Variants in TMEM266 observed in about 807,000 individuals in gnomAD.
TMEM266 encodes transmembrane protein 266, also known as Hv1 related protein 1.
Under a neutral mutation model 50.5 loss-of-function variants are expected in TMEM266, and 33 were observed. The observed-to-expected ratio is 0.65, with a 90% CI of 0.50 to 0.87. TMEM266 has a LOEUF of 0.87. TMEM266 is among the 40% of genes least tolerant of loss of function. The pLI, the probability that TMEM266 is intolerant of heterozygous loss-of-function variation, is 0.00. For synonymous variants in TMEM266, 310 were observed against 292.3 expected, an observed-to-expected ratio of 1.06 and a Z score of -0.62; for missense variants, 655 against 695.1, an observed-to-expected ratio of 0.94 and a Z score of 0.65.
At chr15:76,176,411 GC>G (rs1352414897) in intron 8 of TMEM266, 2 of 152,910 alleles carry the variant, frequency 1.3e-5, no homozygotes, top group East Asian at 3.8e-4. Flanking sequence ...GGATCCCGCA[GC>G]AAGGCTGAGA....
Position 76,204,179 on chromosome 15 carries a change from A to G in TMEM266, c.1460A>G (p.Gln487Arg). The stretch of plus-strand genomic sequence containing the variant: ...GAACACAGGGTAAGTCTGTTCAACC[A>G]GAAGAACCAGGAGGGCTTCACTGTC... The change falls in exon 11 of 11, where the codon CAG becomes CGG. Residue 487 changes from glutamine to arginine, a missense_variant. By Grantham distance (43) the Gln-to-Arg change is conservative. This residue lies in a region of TMEM266 where 455 missense variants were observed against 401.8 expected (regional missense o/e 1.13). Transcript: ENST00000388942. 6.2e-7 allele frequency: 1 copy of G among 1,613,818 alleles called. No individual in the cohort carries two copies. Among genetic ancestry groups the G allele is most frequent in the Non-Finnish European group, 8.5e-7 (1 of 1,179,998 alleles).
intron 9 of TMEM266, among the ~76,000 whole-genome samples, chr15:76,198,287 T>G (rs1596172894): frequency 6.6e-6 from 1 of 152,238 alleles, no homozygotes; most frequent in Non-Finnish European, 1.5e-5. Flanking sequence ...GTGCCCATTC[T>G]TTCCTGCCCC....
At chr15:76,088,849 T>A (rs2036809830) in intron 1 of TMEM266, among the ~76,000 whole-genome samples, 1 of 151,134 alleles carries the variant, frequency 6.6e-6, no homozygotes, top group South Asian at 2.1e-4. Context: ...ATCCCAGCAC[T>A]TTGGGAGGCC....
intron 3 of TMEM266, among the ~76,000 whole-genome samples, chr15:76,155,378 C>T (rs1400292995): frequency 6.6e-6 from 1 of 152,200 alleles, no homozygotes; most frequent in African/African-American, 2.4e-5. Context: ...AGGAGGGTGT[C>T]TAGTGCCCTG....
chr15:76,084,837 G>A (rs1205989940), intron 1 of TMEM266, among the ~76,000 whole-genome samples: 60 of 151,770 alleles, frequency 4.0e-4, no homozygotes, highest in Admixed American at 3.8e-3. Context: ...TCCTGACCTC[G>A]TGATCTGCCT....
rs559860196 is a variant in TMEM266 at position 76,167,869 on chromosome 15, C to T, written c.457-1947C>T. ...AGAAACCTCTGGGTCCAAATGTTAC[C>T]TTCATTCCTGATGGTTGTGTGGCTA... On this transcript the variant is annotated intron_variant, in intron 5 of 10. Transcript: ENST00000388942. Among the ~76,000 whole-genome samples the T allele has an allele frequency of 5.3e-5, 8 of 152,270 alleles. 1 individual carries two copies. Among genetic ancestry groups the T allele is most frequent in the African/African-American group, 1.9e-4 (8 of 41,564 alleles).
At chr15:76,096,662 G>C (rs1157741698) in intron 1 of TMEM266, among the ~76,000 whole-genome samples, 2 of 151,988 alleles carry the variant, frequency 1.3e-5, no homozygotes, top group Admixed American at 6.6e-5. Context: ...GAATATTCTG[G>C]TTAATTTTCT....
At chr15:76,072,006 G>T (rs937937993) in intron 1 of TMEM266, among the ~76,000 whole-genome samples, 7 of 152,076 alleles carry the variant, frequency 4.6e-5, no homozygotes, top group African/African-American at 1.7e-4. Flanking sequence ...TATCATCAAG[G>T]GGCAGGGAAG....
chr15:76,070,423 C>T (rs1389199885), intron 1 of TMEM266, among the ~76,000 whole-genome samples: 1 of 152,188 alleles, frequency 6.6e-6, no homozygotes, highest in African/African-American at 2.4e-5. Context: ...AACTGTTTTG[C>T]TTTCTGGCCT....
At chr15:76,082,120 T>G (rs950409730) in intron 1 of TMEM266, among the ~76,000 whole-genome samples, 2 of 152,210 alleles carry the variant, frequency 1.3e-5, no homozygotes, top group African/African-American at 4.8e-5. Flanking sequence ...TTAAAAACAC[T>G]CTTCCCACAA....
chr15:76,116,519 C>T (rs2142015605), intron 1 of TMEM266, among the ~76,000 whole-genome samples: 1 of 152,232 alleles, frequency 6.6e-6, no homozygotes, highest in East Asian at 1.9e-4. Flanking sequence ...TCCCTCTCCT[C>T]ACTAATGAAT....
intron 9 of TMEM266, among the ~76,000 whole-genome samples, chr15:76,197,032 C>G (rs1361281968): frequency 6.6e-6 from 1 of 152,224 alleles, no homozygotes; most frequent in African/African-American, 2.4e-5. Flanking sequence ...CCTTCGCGTC[C>G]CCCACGCTGC....
intron 1 of TMEM266, among the ~76,000 whole-genome samples, chr15:76,083,809 G>A (rs1322003312): frequency 6.6e-6 from 1 of 152,148 alleles, no homozygotes; most frequent in Admixed American, 6.5e-5. Flanking sequence ...GTGTCTGTCC[G>A]GTGGTGGGCC....
chr15:76,193,892 A>G (rs761289032), intron 9 of TMEM266, among the ~76,000 whole-genome samples: 2 of 152,214 alleles, frequency 1.3e-5, no homozygotes, highest in Non-Finnish European at 1.5e-5. Context: ...CGTGCTCTCC[A>G]AGTTCTTGAT....
chr15:76,170,901 A>G, intron 6 of TMEM266, 92 bp from the exon 7 acceptor site: 1 of 1,461,278 alleles, frequency 6.8e-7, no homozygotes, highest in Non-Finnish European at 9.1e-7. Context: ...GCTGCTGGAA[A>G]AGTTGGGCAG....
intron 1 of TMEM266, among the ~76,000 whole-genome samples, chr15:76,126,360 C>A (rs2037422656): frequency 7.6e-6 from 1 of 130,802 alleles, no homozygotes; most frequent in African/African-American, 3.2e-5. Context: ...TACACACACA[C>A]ACACACCCAC....
At chr15:76,116,233 C>G (rs573024860) in intron 1 of TMEM266, among the ~76,000 whole-genome samples, 1 of 151,616 alleles carries the variant, frequency 6.6e-6, no homozygotes, top group African/African-American at 2.4e-5. Flanking sequence ...CCGGGAGACA[C>G]ACACGAAGCT....
At position 76,204,459 on chromosome 15, in the gene TMEM266, G is replaced by A. The variant is rs1002534295; in HGVS notation, c.*144G>A. On this transcript the variant is annotated 3_prime_UTR_variant, in exon 11 of 11. Transcript: ENST00000388942. ...TGCTGCCTGCCTCCAGGGAGGCGAC[G>A]CCAGGCCAGGAGGCCACAAGCTTCA... 6.9e-6 allele frequency: 5 copies of A among 720,848 alleles called. No individual in the cohort carries two copies. The highest frequency in any genetic ancestry group is 3.0e-5 in the Admixed American group (1 of 33,146). 44.7% of individuals were successfully genotyped at this position (720,848 alleles called of 1,614,324 possible).
At chr15:76,167,671 A>G (rs2038118210) in intron 5 of TMEM266, among the ~76,000 whole-genome samples, 1 of 151,608 alleles carries the variant, frequency 6.6e-6, no homozygotes, top group Non-Finnish European at 1.5e-5. Context: ...CCGGCTAATG[A>G]TTGTAGTTTT....
Sources: allele counts gnomAD v4.1 joint callset (sites outside exome capture counted in the v4.1 genomes callset), GRCh38; gene constraint gnomAD v4.1.1; regional missense constraint gnomAD v4.1.1; transcripts MANE v1.5; gene names NCBI Gene and HGNC (gene_info 2026-07-23, HGNC 2026-07-21).